CMTM4: variants seen among roughly 807,000 people sequenced by gnomAD.
CMTM4 encodes the protein CKLF-like MARVEL transmembrane domain-containing protein 4.
In CMTM4, 8 loss-of-function variants were observed where a neutral mutation model predicts 19.0. The ratio of observed to expected loss-of-function variants is 0.42; its 90% CI spans 0.25 to 0.76. CMTM4 has a LOEUF of 0.76. CMTM4 is among the 30% of genes least tolerant of loss of function. The pLI, the probability that CMTM4 is intolerant of heterozygous loss-of-function variation, is 0.27. For synonymous variants in CMTM4, 106 were observed against 121.1 expected (o/e 0.88, Z 0.82); for missense variants, 228 against 290.2 (o/e 0.79, Z 1.56).
chr16:66,635,609 C>T (rs1029501208), intron 2 of CMTM4, among the ~76,000 whole-genome samples: 2 of 152,222 alleles, frequency 1.3e-5, no homozygotes, highest in Admixed American at 1.3e-4. Flanking sequence ...TCTCCTCCTG[C>T]TTCCCCCTCA....
Position 66,619,328 on chromosome 16 carries a change from T to G in CMTM4, c.*2730A>C. 2.0e-6 allele frequency: 2 copies of G among 985,422 alleles called. No homozygotes were observed. Among genetic ancestry groups the G allele is most frequent in the Non-Finnish European group, 2.4e-6 (2 of 829,930 alleles). The allele number at this position is 985,422 out of a possible 1,614,324, so 61.0% of individuals were successfully genotyped here. A position where few individuals can be genotyped will look rare whatever the true frequency, so the allele number is the denominator to read the frequency against. On this transcript the variant is annotated 3_prime_UTR_variant, in exon 4 of 4. Transcript: ENST00000394106. Reference sequence around the variant, plus strand: ...ACCACCAGAGGTTCCACCAAATGCTTGAGGGTTTCAGCTGTACAGTGTCCA... The same window carrying G: ...ACCACCAGAGGTTCCACCAAATGCTGGAGGGTTTCAGCTGTACAGTGTCCA...
the CMTM4 span, among the ~76,000 whole-genome samples, chr16:66,603,509 G>A: frequency 1.3e-5 from 2 of 151,972 alleles, no homozygotes; most frequent in African/African-American, 2.4e-5. Flanking sequence ...GGCTGGTCTC[G>A]AACTCCTGAC....
Position 66,621,754 on chromosome 16 carries a change from A to C in CMTM4, c.*304T>G. 1.0e-5 allele frequency: 12 copies of C among 1,192,334 alleles called. No individual in the cohort carries two copies. The highest frequency in any genetic ancestry group is 1.3e-5 in the Non-Finnish European group (12 of 954,174). 73.9% of individuals were successfully genotyped at this position (1,192,334 alleles called of 1,614,324 possible). On this transcript the variant is annotated 3_prime_UTR_variant, in exon 4 of 4. Transcript: ENST00000394106. ...CCCATTTAATCCAAAGTCTTGTTAC[A>C]AATACACACGACAAGGTGGCTCAGA...
At position 66,617,200 on chromosome 16, in the gene CMTM4, A is replaced by T; in HGVS notation, c.*4858T>A. On this transcript the variant is annotated 3_prime_UTR_variant, in exon 4 of 4. Transcript: ENST00000394106. The stretch of plus-strand genomic sequence containing the variant: ...AAGTCACCTGAATTAAAGCCTCAGC[A>T]TAAAAAAACAAACATAGACAACAAA... 6.9e-7 allele frequency: 1 copy of T among 1,441,970 alleles called. No homozygotes were observed. Among genetic ancestry groups the T allele is most frequent in the South Asian group, 1.2e-5 (1 of 80,886 alleles). 89.3% of individuals were successfully genotyped at this position (1,441,970 alleles called of 1,614,324 possible).
chr16:66,636,459 A>C lies in CMTM4; in HGVS notation c.309T>G (p.Ile103Met), dbSNP rs2144811228. The change falls in exon 2 of 4, where the codon ATT becomes ATG. Residue 103 changes from isoleucine to methionine, a missense_variant. This residue lies in a region of CMTM4 where 200 missense variants were observed against 226.6 expected (regional missense o/e 0.88). Transcript: ENST00000394106. ...SAFVVTGVLLIMFSLNLHMRI... is the reference protein window; with the variant it reads ...SAFVVTGVLLMMFSLNLHMRI... The stretch of plus-strand genomic sequence containing the variant: ...TCATGTGCAGGTTGAGACTGAACAT[A>C]ATCAGCAAGACGCCAGTCACCACAA... The C allele has an allele frequency of 1.9e-6, 3 of 1,614,196 alleles. No homozygotes were observed. The highest frequency in any genetic ancestry group is 2.2e-5 in the East Asian group (1 of 44,890).
At chr16:66,671,723 C>CA (rs2016711055) in intron 1 of CMTM4, among the ~76,000 whole-genome samples, 1 of 152,138 alleles carries the variant, frequency 6.6e-6, no homozygotes, top group Admixed American at 6.6e-5. Context: ...AAACTCTACC[C>CA]AAATAGACCA....
chr16:66,612,467 G>T (rs940614254), downstream of CMTM4: 1 of 765,482 alleles, frequency 1.3e-6, no homozygotes, highest in Admixed American at 2.7e-5. This position sits in a 1 kb window ranked among gnomAD's most constrained non-coding sequence, Gnocchi z 6.0. Context: ...TGATGCCAGC[G>T]ATCACTGGGA....
chr16:66,618,348 T>C lies in CMTM4; in HGVS notation c.*3710A>G, dbSNP rs1485695898. 3.0e-6 allele frequency: 3 copies of C among 985,362 alleles called. No individual in the cohort carries two copies. The highest frequency in any genetic ancestry group is 3.6e-6 in the Non-Finnish European group (3 of 829,956). 61.0% of individuals were successfully genotyped at this position (985,362 alleles called of 1,614,324 possible). On this transcript the variant is annotated 3_prime_UTR_variant, in exon 4 of 4. Coordinates refer to ENST00000394106, the MANE Select transcript of CMTM4 (RefSeq NM_181521.3). ...TGGCACAAAGACTTCATGACTGTTT[T>C]GTTTTGAACACAGATGAGACAATAG...
intron 1 of CMTM4, among the ~76,000 whole-genome samples, chr16:66,672,082 T>A (rs911436836): frequency 2.0e-5 from 3 of 151,978 alleles, no homozygotes; most frequent in Non-Finnish European, 4.4e-5. Flanking sequence ...ATAACACATA[T>A]GTTGGTGCAA....
chr16:66,609,682 T>G, the CMTM4 span: 5 of 1,539,706 alleles, frequency 3.2e-6, no homozygotes, highest in Non-Finnish European at 4.4e-6. The surrounding 1 kb of genome is among the most constrained non-coding windows in gnomAD (Gnocchi z 4.4). Flanking sequence ...CATTAAAGAC[T>G]GACTCTACCC....
the CMTM4 span, among the ~76,000 whole-genome samples, chr16:66,605,790 G>T: frequency 2.0e-5 from 3 of 152,308 alleles, 1 homozygote; most frequent in South Asian, 6.2e-4. This position sits in a 1 kb window ranked among gnomAD's most constrained non-coding sequence, Gnocchi z 4.6. Context: ...CCAGGAGGGT[G>T]GGGGCAGGAG....
intron 2 of CMTM4, among the ~76,000 whole-genome samples, chr16:66,632,124 G>A (rs79096474): frequency 6.6e-5 from 10 of 152,228 alleles, no homozygotes; most frequent in Admixed American, 2.0e-4. Context: ...TGACCAAAGC[G>A]GAAGAAGAAA....
At chr16:66,640,372 T>C (rs1047320747) in intron 1 of CMTM4, among the ~76,000 whole-genome samples, 21 of 151,842 alleles carry the variant, frequency 1.4e-4, no homozygotes, top group African/African-American at 5.1e-4. Flanking sequence ...TGAGACAGAG[T>C]TGCCGAACAT....
At chr16:66,633,073 G>A (rs376162566) in intron 2 of CMTM4, among the ~76,000 whole-genome samples, 5 of 127,764 alleles carry the variant, frequency 3.9e-5, no homozygotes, top group African/African-American at 1.2e-4. Context: ...CAACAAGAGC[G>A]AAACTCCGTT....
chr16:66,658,867 T>C (rs1169601058), intron 1 of CMTM4, among the ~76,000 whole-genome samples: 2 of 152,058 alleles, frequency 1.3e-5, no homozygotes, highest in Non-Finnish European at 2.9e-5. Flanking sequence ...AAGCCACCGA[T>C]GCGGAATTTC....
intron 1 of CMTM4, among the ~76,000 whole-genome samples, chr16:66,651,265 T>C (rs355962): frequency 0.05 from 7,538 of 152,158 alleles, 300 homozygotes; most frequent in East Asian, 0.11. Context: ...TTCACGGTGT[T>C]GAGATGGGGA....
At chr16:66,657,260 T>C (rs1388752688) in intron 1 of CMTM4, among the ~76,000 whole-genome samples, 1 of 152,088 alleles carries the variant, frequency 6.6e-6, no homozygotes, top group Non-Finnish European at 1.5e-5. Flanking sequence ...AATTTTTGTA[T>C]TTTTAGTAGA....
chr16:66,633,104 T>TATATATATATAAATATATATATATAA (rs370924302), intron 2 of CMTM4, among the ~76,000 whole-genome samples: 2,340 of 24,768 alleles, frequency 0.094, 248 homozygotes, highest in East Asian at 0.15. Context: ...TATATATAAA[T>TATATATATATAAATATATATATATAA]ATATATATAT....
intron 1 of CMTM4, among the ~76,000 whole-genome samples, chr16:66,664,096 G>C (rs1188950662): frequency 6.6e-6 from 1 of 151,988 alleles, no homozygotes; most frequent in Non-Finnish European, 1.5e-5. Context: ...AGCTGGGCAT[G>C]GTGGTGGGCA....
Sources: allele counts gnomAD v4.1 joint callset (sites outside exome capture counted in the v4.1 genomes callset), GRCh38; gene constraint gnomAD v4.1.1; regional missense constraint gnomAD v4.1.1; non-coding constraint Gnocchi (gnomAD v3.1); transcripts MANE v1.5; gene names NCBI Gene and HGNC (gene_info 2026-07-23, HGNC 2026-07-21).